Variants in IL1RAPL1 observed in about 807,000 individuals in gnomAD.
IL1RAPL1 encodes interleukin-1 receptor accessory protein-like 1.
In IL1RAPL1, 3 loss-of-function variants were observed where a neutral mutation model predicts 48.4. The ratio of observed to expected loss-of-function variants is 0.06; its 90% CI spans 0.03 to 0.16. The LOEUF is 0.16. Among genes scored for constraint, IL1RAPL1 ranks in the 10% least tolerant of loss-of-function variants. IL1RAPL1 has a pLI of 1.00. For synonymous variants in IL1RAPL1, 185 were observed against 187.7 expected (o/e 0.99, Z 0.12); for missense variants, 349 against 530.6 (o/e 0.66, Z 3.36).
Position 29,354,940 on chromosome X carries a change from G to C in IL1RAPL1, c.363-41318G>C, listed in dbSNP as rs199597574. Among the ~76,000 whole-genome samples the C allele has an allele frequency of 2.0e-4, 22 of 111,790 alleles. No homozygotes were observed. In the East Asian group the frequency reaches 6.2e-3, roughly 31 times the overall value. ...GGAAATGAGTAAATCTCAAAGAGGT[G>C]GCTTAAGAATCAGTCTTAAATACGA... is the stretch of plus-strand genomic sequence containing the variant. On this transcript the variant is annotated intron_variant, in intron 3 of 10. Transcript: ENST00000378993.
At chrX:29,728,248 CT>C (rs955965081) in intron 6 of IL1RAPL1, among the ~76,000 whole-genome samples, 17 of 111,770 alleles carry the variant, frequency 1.5e-4, no homozygotes, top group Admixed American at 4.7e-4. Flanking sequence ...GTCCACTATT[CT>C]TTCTTTTCTT....
At chrX:29,420,105 C>T (rs1314406769) in intron 5 of IL1RAPL1, among the ~76,000 whole-genome samples, 1 of 111,568 alleles carries the variant, frequency 9.0e-6, no homozygotes, top group Non-Finnish European at 1.9e-5. Context: ...TGGAAGGTGC[C>T]CAGGTCTCTA....
chrX:28,620,346 C>T (rs1934271971), intron 1 of IL1RAPL1, among the ~76,000 whole-genome samples: 1 of 111,754 alleles, frequency 8.9e-6, no homozygotes, highest in African/African-American at 3.3e-5. Context: ...CATGGGAATG[C>T]CTCTTGTCTC....
At chrX:29,752,944 C>T (rs897571855) in intron 6 of IL1RAPL1, among the ~76,000 whole-genome samples, 6 of 111,721 alleles carry the variant, frequency 5.4e-5, no homozygotes, top group Middle Eastern at 9.3e-3. Flanking sequence ...TATATTTGTC[C>T]TTAGCATCAT....
At chrX:29,158,795 T>A (rs936850544) in intron 2 of IL1RAPL1, among the ~76,000 whole-genome samples, 5 of 111,532 alleles carry the variant, frequency 4.5e-5, no homozygotes, top group African/African-American at 1.6e-4. Context: ...TAAAAATTTG[T>A]GTTTTTCTAT....
chrX:29,718,396 G>A (rs1307631406), intron 6 of IL1RAPL1, among the ~76,000 whole-genome samples: 1 of 103,179 alleles, frequency 9.7e-6, no homozygotes, highest in Non-Finnish European at 2.0e-5. Context: ...ATAAGTGGGA[G>A]TTAAACAGTG....
At chrX:29,842,760 C>A (rs1931160912) in intron 6 of IL1RAPL1, among the ~76,000 whole-genome samples, 1 of 112,171 alleles carries the variant, frequency 8.9e-6, no homozygotes, top group African/African-American at 3.2e-5. Context: ...GCAACGGAGA[C>A]TTCAGTTTCC....
chrX:29,253,678 G>A lies in IL1RAPL1; in HGVS notation c.83-29260G>A, dbSNP rs753808646. On this transcript the variant is annotated intron_variant, in intron 2 of 10. Coordinates refer to ENST00000378993, the MANE Select transcript of IL1RAPL1 (RefSeq NM_014271.4). Reference sequence around the variant, plus strand: ...ACACTCAAAGGCTTTGTGATATGAAGTGTTCAGTGATTAATGTGTTTGATA... The same window carrying A: ...ACACTCAAAGGCTTTGTGATATGAAATGTTCAGTGATTAATGTGTTTGATA... 3.1e-4 allele frequency among the ~76,000 whole-genome samples: 35 copies of A among 111,221 alleles called. 1 individual carries two copies. Among genetic ancestry groups the A allele is most frequent in the African/African-American group, 1.1e-3 (33 of 30,733 alleles).
At chrX:29,252,422 T>C (rs979236634) in intron 2 of IL1RAPL1, among the ~76,000 whole-genome samples, 2 of 114,028 alleles carry the variant, frequency 1.8e-5, no homozygotes, top group Admixed American at 9.1e-5. Context: ...GAAATAAAAA[T>C]GTTGTATGTC....
chrX:29,378,046 T>G (rs1265040248), intron 3 of IL1RAPL1, among the ~76,000 whole-genome samples: 1 of 106,104 alleles, frequency 9.4e-6, no homozygotes, highest in Non-Finnish European at 1.9e-5. Context: ...TCTTTGAGGT[T>G]TTTTTTTTTT....
chrX:29,339,075 T>TACACACACAC (rs758487838), intron 3 of IL1RAPL1, among the ~76,000 whole-genome samples: 3,819 of 92,235 alleles, frequency 0.041, 95 homozygotes, highest in African/African-American at 0.047. Flanking sequence ...GCTGGGTAAA[T>TACACACACAC]ACACACACAC....
intron 6 of IL1RAPL1, among the ~76,000 whole-genome samples, chrX:29,901,992 A>T (rs1053142792): frequency 3.6e-5 from 4 of 112,136 alleles, no homozygotes; most frequent in Non-Finnish European, 7.5e-5. Flanking sequence ...AGCAGATCTG[A>T]TGTTTTTGTC....
intron 5 of IL1RAPL1, among the ~76,000 whole-genome samples, chrX:29,493,340 CAA>C (rs1411431260): frequency 8.9e-6 from 1 of 112,173 alleles, no homozygotes; most frequent in Non-Finnish European, 1.9e-5. Context: ...AAATTCATAT[CAA>C]GTTTGATTTA....
intron 1 of IL1RAPL1, among the ~76,000 whole-genome samples, chrX:28,689,745 A>C (rs1290920407): frequency 1.8e-5 from 2 of 111,678 alleles, no homozygotes; most frequent in Non-Finnish European, 3.8e-5. Context: ...ATCTTTATCA[A>C]ACTCTAAAAG....
chrX:29,527,946 G>A (rs1475977366), intron 5 of IL1RAPL1, among the ~76,000 whole-genome samples: 3 of 111,725 alleles, frequency 2.7e-5, no homozygotes, highest in Non-Finnish European at 5.6e-5. Context: ...GCAAATTAAA[G>A]CTATTTTGAG....
chrX:28,657,146 G>A (rs185841494), intron 1 of IL1RAPL1, among the ~76,000 whole-genome samples: 4 of 111,281 alleles, frequency 3.6e-5, no homozygotes, highest in Admixed American at 1.9e-4. Context: ...AGGGCTGTAC[G>A]TATAGTAGAT....
intron 6 of IL1RAPL1, among the ~76,000 whole-genome samples, chrX:29,686,698 C>CT (rs1444984961): frequency 2.7e-5 from 3 of 109,127 alleles, no homozygotes; most frequent in African/African-American, 6.7e-5. Context: ...GCTGGGACTA[C>CT]AGGCGCCCGC....
intron 6 of IL1RAPL1, among the ~76,000 whole-genome samples, chrX:29,700,038 T>G (rs940912510): frequency 1.8e-5 from 2 of 111,626 alleles, no homozygotes; most frequent in Non-Finnish European, 3.8e-5. Context: ...CTTGTGTTAT[T>G]CAGTTGACCC....
At chrX:28,789,159 C>G (rs779785896) in intron 1 of IL1RAPL1, among the ~76,000 whole-genome samples, 161 bp from the exon 2 acceptor site, 1 of 111,921 alleles carries the variant, frequency 8.9e-6, no homozygotes, top group Non-Finnish European at 1.9e-5. Flanking sequence ...AACTTAGGAA[C>G]CACAACATAT....
Sources: allele counts gnomAD v4.1 joint callset (sites outside exome capture counted in the v4.1 genomes callset), GRCh38; gene constraint gnomAD v4.1.1; transcripts MANE v1.5; gene names NCBI Gene and HGNC (gene_info 2026-07-23, HGNC 2026-07-21).